Variants in OXCT1 observed in about 807,000 individuals in gnomAD.
OXCT1 encodes 3-oxoacid CoA-transferase 1, also known as succinyl-CoA:3-ketoacid coenzyme A transferase 1, mitochondrial.
OXCT1 carries 27 observed loss-of-function variants against 69.6 expected under a neutral mutation model. The ratio of observed to expected loss-of-function variants is 0.39; its 90% CI spans 0.29 to 0.54. The LOEUF (loss-of-function observed/expected upper bound fraction) is 0.54, where lower values mean the gene tolerates loss of function less well. OXCT1 is among the 20% of genes least tolerant of loss of function. The probability of loss-of-function intolerance (pLI) is 0.72; values close to 1 mark genes in which losing one functional copy is unlikely to be tolerated. For synonymous variants in OXCT1, 202 were observed against 217.8 expected, an observed-to-expected ratio of 0.93 and a Z score of 0.64; for missense variants, 437 against 650.2, an observed-to-expected ratio of 0.67 and a Z score of 3.57.
intron 7 of OXCT1, among the ~76,000 whole-genome samples, chr5:41,813,119 A>G (rs1388272720): frequency 6.6e-6 from 1 of 152,100 alleles, no homozygotes; most frequent in African/African-American, 2.4e-5. Flanking sequence ...AAAAAAGCAC[A>G]GTGTGTAGTT....
chr5:41,785,885 T>C (rs974894930), intron 13 of OXCT1, among the ~76,000 whole-genome samples: 3 of 152,142 alleles, frequency 2.0e-5, no homozygotes, highest in Admixed American at 6.5e-5. Context: ...GCTCACTCCA[T>C]TGACAAATCA....
chr5:41,869,762 G>A (rs938673846), intron 1 of OXCT1, among the ~76,000 whole-genome samples: 3 of 152,108 alleles, frequency 2.0e-5, no homozygotes, highest in African/African-American at 7.2e-5. Context: ...CGCCGCACCC[G>A]GCATCCAGCC....
chr5:41,819,917 T>C (rs1747463741), intron 7 of OXCT1, among the ~76,000 whole-genome samples: 2 of 152,112 alleles, frequency 1.3e-5, no homozygotes, highest in South Asian at 4.1e-4. Context: ...TTCTTCTTTT[T>C]CTAGTCTACT....
Position 41,811,716 on chromosome 5 carries a change from T to C in OXCT1, c.733-4278A>G, listed in dbSNP as rs530827993. Among the ~76,000 whole-genome samples, 28 of 152,172 alleles carry C rather than the reference T, an allele frequency of 1.8e-4. No homozygotes were observed. In the South Asian group the frequency reaches 5.4e-3, roughly 29 times the overall value. On this transcript the variant is annotated intron_variant, in intron 7 of 16. Coordinates refer to ENST00000196371, the MANE Select transcript of OXCT1 (RefSeq NM_000436.4). ...AAAGTTGAGGGGCTACCAATGAATT[T>C]GCAACCTTTAAAATGGTGGTACATA...
intron 7 of OXCT1, 105 bp downstream of exon 7, chr5:41,840,346 G>T: frequency 3.5e-6 from 3 of 854,938 alleles, no homozygotes; most frequent in African/African-American, 1.7e-5. Flanking sequence ...AAAAAAAGCT[G>T]TCATTGTTAT....
chr5:41,732,778 T>C (rs947443688), intron 16 of OXCT1, among the ~76,000 whole-genome samples: 4 of 152,196 alleles, frequency 2.6e-5, no homozygotes, highest in African/African-American at 7.2e-5. Flanking sequence ...AGGTTCCTAA[T>C]AGAGGTTAAA....
intron 14 of OXCT1, among the ~76,000 whole-genome samples, chr5:41,759,422 G>C (rs1172220167): frequency 6.6e-6 from 1 of 152,098 alleles, no homozygotes; most frequent in Non-Finnish European, 1.5e-5. Flanking sequence ...AGCTTAAGAA[G>C]AAAGGTGGCT....
Position 41,850,269 on chromosome 5 carries a change from A to G in OXCT1, c.415-90T>C. The G allele has an allele frequency of 4.9e-6, 7 of 1,426,476 alleles. 1 individual carries two copies. In the South Asian group the frequency reaches 8.3e-5, roughly 17 times the overall value. The allele number at this position is 1,426,476 out of a possible 1,614,324, so 88.4% of individuals were successfully genotyped here. A position where few individuals can be genotyped will look rare whatever the true frequency, so the allele number is the denominator to read the frequency against. ...TTTAGACGTGGTTCCTACTATCTAGAGGCTTATAATTCTAAAAAGTAGCTA... is the reference window on the plus strand; with the variant it reads ...TTTAGACGTGGTTCCTACTATCTAGGGGCTTATAATTCTAAAAAGTAGCTA... On this transcript the variant is annotated intron_variant, in intron 4 of 16. Coordinates refer to ENST00000196371, the MANE Select transcript of OXCT1 (RefSeq NM_000436.4).
At chr5:41,734,377 A>G (rs575011191) in intron 16 of OXCT1, among the ~76,000 whole-genome samples, 17 of 152,332 alleles carry the variant, frequency 1.1e-4, no homozygotes, top group African/African-American at 3.8e-4. Context: ...GGTTTATAAA[A>G]ACACCTATTT....
intron 13 of OXCT1, among the ~76,000 whole-genome samples, chr5:41,764,482 T>C (rs2112110570): frequency 6.6e-6 from 1 of 152,280 alleles, no homozygotes; most frequent in South Asian, 2.1e-4. Context: ...GTCCTTCTCC[T>C]GGAAAAGCTT....
chr5:41,852,903 C>G (rs949782956), intron 4 of OXCT1, among the ~76,000 whole-genome samples: 7 of 152,024 alleles, frequency 4.6e-5, no homozygotes, highest in African/African-American at 1.7e-4. Flanking sequence ...ACTAAAAATA[C>G]AGAAAACAAA....
intron 8 of OXCT1, 47 bp from the exon 9 acceptor site, chr5:41,805,728 G>C (rs1428027055): frequency 7.3e-6 from 9 of 1,235,624 alleles, no homozygotes; most frequent in Non-Finnish European, 1.1e-5. Flanking sequence ...GGTATGCTTT[G>C]TATTTTATCA....
intron 3 of OXCT1, among the ~76,000 whole-genome samples, chr5:41,859,728 A>G (rs1168173209): frequency 6.6e-6 from 1 of 151,852 alleles, no homozygotes; most frequent in Non-Finnish European, 1.5e-5. Context: ...AGCTTCCTCA[A>G]CAAAGAACAA....
At chr5:41,828,822 G>A (rs1174885544) in intron 7 of OXCT1, among the ~76,000 whole-genome samples, 1 of 152,164 alleles carries the variant, frequency 6.6e-6, no homozygotes, top group Non-Finnish European at 1.5e-5. Flanking sequence ...TGTAAATGAA[G>A]GGTCTGCACA....
chr5:41,849,316 G>A (rs533764645), intron 5 of OXCT1, among the ~76,000 whole-genome samples: 2 of 152,168 alleles, frequency 1.3e-5, no homozygotes, highest in South Asian at 2.1e-4. Flanking sequence ...TCTGCAACCT[G>A]TGTTAACTTT....
intron 13 of OXCT1, among the ~76,000 whole-genome samples, chr5:41,774,692 G>A (rs563814707): frequency 1.3e-5 from 2 of 152,054 alleles, no homozygotes; most frequent in Non-Finnish European, 2.9e-5. Context: ...TCAGGAGATC[G>A]AGAGCATCCT....
intron 13 of OXCT1, among the ~76,000 whole-genome samples, chr5:41,767,722 G>GTATATATATATATATATATATATA (rs367584226): frequency 8.5e-4 from 76 of 89,892 alleles, no homozygotes; most frequent in Non-Finnish European, 1.3e-3. Context: ...ATATGTGTGT[G>GTATATATATATATATATATATATA]TATATATATA....
intron 3 of OXCT1, among the ~76,000 whole-genome samples, chr5:41,859,338 A>T (rs146850615): frequency 6.6e-6 from 1 of 152,330 alleles, no homozygotes; most frequent in African/African-American, 2.4e-5. Context: ...TTATCCATTA[A>T]ATTTCAAAGA....
chr5:41,813,795 TAAAG>T (rs1747100652), intron 7 of OXCT1, among the ~76,000 whole-genome samples: 2 of 151,784 alleles, frequency 1.3e-5, no homozygotes, highest in South Asian at 4.1e-4. Flanking sequence ...GCCACAGTCA[TAAAG>T]AGTCAGTTTT....
Sources: allele counts gnomAD v4.1 joint callset (sites outside exome capture counted in the v4.1 genomes callset), GRCh38; gene constraint gnomAD v4.1.1; transcripts MANE v1.5; gene names NCBI Gene and HGNC (gene_info 2026-07-23, HGNC 2026-07-21).